Variants in CLEC20A observed in about 807,000 individuals in gnomAD.
CLEC20A encodes the protein putative C-type lectin domain family 20 member A.
chr1:178,488,134 C>T (rs1281362258), intron 5 of CLEC20A, among the ~76,000 whole-genome samples: 1 of 152,216 alleles, frequency 6.6e-6, no homozygotes, highest in African/African-American at 2.4e-5. Flanking sequence ...ATGATTCTTC[C>T]TCAGGAACAC....
intron 1 of CLEC20A, chr1:178,496,684 C>A (rs778515276): frequency 5.0e-6 from 2 of 396,914 alleles, no homozygotes; most frequent in Non-Finnish European, 8.9e-6. Context: ...TGACTGCTGC[C>A]TTCTGGACGC....
At chr1:178,492,627 C>A (rs1359490489) in intron 2 of CLEC20A, 61 bp from the exon 3 acceptor site, 13 of 398,452 alleles carry the variant, frequency 3.3e-5, no homozygotes, top group Non-Finnish European at 5.8e-5. Context: ...CAGGCAGGAG[C>A]TGTCCGGTTA....
chr1:178,491,722 T>A (rs1221503517), intron 3 of CLEC20A, among the ~76,000 whole-genome samples: 1 of 152,150 alleles, frequency 6.6e-6, no homozygotes, highest in East Asian at 1.9e-4. Flanking sequence ...ATTGAGTGAG[T>A]ATATTGCCTC....
intron 1 of CLEC20A, among the ~76,000 whole-genome samples, chr1:178,495,239 A>C (rs1449868810): frequency 6.6e-6 from 1 of 152,234 alleles, no homozygotes; most frequent in African/African-American, 2.4e-5. Context: ...GCTGCCTAAG[A>C]TAGCACTCTG....
exon 5 of CLEC20A, chr1:178,488,553 G>C: frequency 2.5e-6 from 1 of 398,886 alleles, no homozygotes; most frequent in African/African-American, 2.1e-5. Flanking sequence ...GGGAAGTGTG[G>C]AAGAGTGGAG....
chr1:178,481,065 G>A (rs1189898438), intron 7 of CLEC20A: 2 of 152,090 alleles, frequency 1.3e-5, no homozygotes, highest in African/African-American at 4.8e-5. Context: ...ATAGCAAAAT[G>A]TACTGAAAGC....
intron 7 of CLEC20A, 41 bp downstream of exon 7, chr1:178,482,270 CA>C: frequency 7.5e-6 from 3 of 398,458 alleles, no homozygotes; most frequent in Non-Finnish European, 1.3e-5. Context: ...TTGCAATGTC[CA>C]ATCATCTGAT....
intron 3 of CLEC20A, among the ~76,000 whole-genome samples, chr1:178,491,207 T>C (rs1240251973): frequency 1.3e-5 from 2 of 152,138 alleles, no homozygotes; most frequent in African/African-American, 4.8e-5. Context: ...CCGGTGCAGC[T>C]CATAAGCCCA....
rs1017444198 is a variant in CLEC20A, at chr1:178,494,880, C to T, written c.41-70G>A. 1.5e-5 allele frequency: 6 copies of T among 398,688 alleles called. No individual in the cohort carries two copies. In the East Asian group the frequency reaches 2.1e-4, roughly 14 times the overall value. 24.7% of individuals were successfully genotyped at this position (398,688 alleles called of 1,614,324 possible). On this transcript the variant is annotated intron_variant, in intron 1 of 7. Transcript: ENST00000623247. ...CCCCTAGTCCTCAAAGAGCTTTCAGCCACACTCGGGTGGGCCTCCCCAGCC... is the reference window on the plus strand; with the variant it reads ...CCCCTAGTCCTCAAAGAGCTTTCAGTCACACTCGGGTGGGCCTCCCCAGCC...
At chr1:178,484,282 G>T (rs765016982) in intron 5 of CLEC20A, 19 of 152,210 alleles carry the variant, frequency 1.2e-4, no homozygotes, top group Admixed American at 1.2e-3. Context: ...ATACCAGAGT[G>T]GTAGCCCCAG....
exon 8 of CLEC20A, chr1:178,479,298 T>G (rs1648880235): frequency 6.1e-6 from 2 of 329,210 alleles, no homozygotes; most frequent in Non-Finnish European, 1.1e-5. Flanking sequence ...TCATTTGTCA[T>G]TCCCAACATG....
exon 4 of CLEC20A, chr1:178,490,402 A>G (rs1178507559): frequency 5.0e-6 from 2 of 398,570 alleles, no homozygotes; most frequent in Non-Finnish European, 8.8e-6. Flanking sequence ...ACTTGGTCAA[A>G]TCGCATGAAG....
chr1:178,498,736 C>T (rs1438836356), upstream of CLEC20A, among the ~76,000 whole-genome samples: 2 of 152,230 alleles, frequency 1.3e-5, no homozygotes, highest in Admixed American at 6.5e-5. Context: ...AGAGCCCTCT[C>T]TGTTGGCCTA....
intron 5 of CLEC20A, chr1:178,483,491 T>G (rs1256001608): frequency 5.3e-6 from 2 of 378,496 alleles, no homozygotes; most frequent in Non-Finnish European, 9.3e-6. Context: ...CTTGAGTTGC[T>G]ACACCATCAT....
In CLEC20A at chr1:178,494,433, GA is replaced by G. The variant is rs1649339214; in HGVS notation, c.397+20del. 1 of 400,158 alleles carries G rather than the reference GA, an allele frequency of 2.5e-6. No individual in the cohort carries two copies. Among genetic ancestry groups the G allele is most frequent in the South Asian group, 1.3e-4 (1 of 7,744 alleles). 24.8% of individuals were successfully genotyped at this position (400,158 alleles called of 1,614,324 possible). On this transcript the variant is annotated intron_variant, in intron 2 of 7. Coordinates refer to ENST00000623247, the Ensembl canonical transcript of CLEC20A. ...GGCCCCTGGGGGAAAGACCAAGCCT[GA>G]AATATGAATGTGAACACACCACAGT...
chr1:178,489,883 A>T (rs549278690), intron 4 of CLEC20A, among the ~76,000 whole-genome samples, 189 bp downstream of exon 4: 74 of 152,360 alleles, frequency 4.9e-4, no homozygotes, highest in African/African-American at 1.7e-3. Flanking sequence ...GAATTAAAAT[A>T]ATACAACTTC....
At chr1:178,493,375 G>A (rs1649312067) in intron 2 of CLEC20A, 1 of 152,424 alleles carries the variant, frequency 6.6e-6, no homozygotes, top group Non-Finnish European at 1.5e-5. Flanking sequence ...ACATGTTGAG[G>A]TTGGTCCTCC....
At chr1:178,489,223 C>T (rs922601482) in intron 4 of CLEC20A, among the ~76,000 whole-genome samples, 3 of 151,896 alleles carry the variant, frequency 2.0e-5, no homozygotes, top group Admixed American at 1.3e-4. Flanking sequence ...ATTAGTCAGG[C>T]GTGGTAGTGG....
intron 7 of CLEC20A, chr1:178,482,082 CAAAAA>C: frequency 5.4e-5 from 19 of 353,566 alleles, no homozygotes; most frequent in East Asian, 2.0e-4. Flanking sequence ...AACAAAAAAA[CAAAAA>C]AACAACAAAA....
Sources: gnomAD v4.1 joint callset for allele counts (sites outside exome capture counted in the v4.1 genomes callset) on GRCh38, gnomAD v4.1.1 for gene constraint, MANE v1.5 for transcripts, NCBI Gene and HGNC (gene_info 2026-07-23, HGNC 2026-07-21) for gene names.